NRXN1: variants seen among roughly 807,000 people sequenced by gnomAD.
NRXN1 encodes the protein neurexin-1.
In NRXN1, 39 loss-of-function variants were observed where a neutral mutation model predicts 150.9. The observed-to-expected ratio is 0.26, with a 90% CI of 0.20 to 0.34. NRXN1 has a LOEUF of 0.34. Among genes scored for constraint, NRXN1 ranks in the 10% least tolerant of loss-of-function variants. NRXN1 has a pLI of 1.00. For synonymous variants in NRXN1, 924 were observed against 757.0 expected, an observed-to-expected ratio of 1.22 and a Z score of -3.62; for missense variants, 1,815 against 1,949.9, an observed-to-expected ratio of 0.93 and a Z score of 1.30.
chr2:50,298,687 T>C (rs1225402233), intron 17 of NRXN1, among the ~76,000 whole-genome samples: 1 of 152,198 alleles, frequency 6.6e-6, no homozygotes, highest in Non-Finnish European at 1.5e-5. Context: ...GACCTGGCTT[T>C]TGAAATTTCT....
At chr2:50,403,192 A>C (rs912877420) in intron 17 of NRXN1, among the ~76,000 whole-genome samples, 2 of 152,040 alleles carry the variant, frequency 1.3e-5, no homozygotes, top group Admixed American at 1.3e-4. Flanking sequence ...ATTACACAGA[A>C]TTTACTATAT....
intron 17 of NRXN1, among the ~76,000 whole-genome samples, chr2:50,365,255 T>A (rs2079506093): frequency 6.6e-6 from 1 of 152,080 alleles, no homozygotes; most frequent in Admixed American, 6.6e-5. Context: ...TAACCACAGC[T>A]ATCAGTTGGT....
At chr2:50,240,376 T>C (rs1039415599) in intron 17 of NRXN1, among the ~76,000 whole-genome samples, 1 of 151,792 alleles carries the variant, frequency 6.6e-6, no homozygotes, top group Admixed American at 6.6e-5. Context: ...CAATTAGATA[T>C]CCAGTCCTTC....
At chr2:50,431,794 C>G (rs1029790625) in intron 17 of NRXN1, among the ~76,000 whole-genome samples, 1 of 152,100 alleles carries the variant, frequency 6.6e-6, no homozygotes, top group Non-Finnish European at 1.5e-5. Context: ...GTCCTTTACA[C>G]AAAAAGTTTG....
chr2:50,186,226 A>C (rs190421031), intron 18 of NRXN1, among the ~76,000 whole-genome samples: 1 of 152,170 alleles, frequency 6.6e-6, no homozygotes, highest in East Asian at 1.9e-4. Flanking sequence ...CTTTTCTGTA[A>C]ATGTATACTA....
chr2:49,976,701 A>G (rs554798072), intron 21 of NRXN1, among the ~76,000 whole-genome samples: 1 of 152,312 alleles, frequency 6.6e-6, no homozygotes, highest in Non-Finnish European at 1.5e-5. Flanking sequence ...AGACCTTCAC[A>G]TCTCATATCA....
intron 6 of NRXN1, 106 bp downstream of exon 6, chr2:50,623,208 G>T: frequency 2.4e-6 from 2 of 821,804 alleles, no homozygotes; most frequent in Non-Finnish European, 1.9e-6. Context: ...TAATTTGCAA[G>T]TGACTCTGAG....
intron 5 of NRXN1, among the ~76,000 whole-genome samples, chr2:50,859,990 C>G (rs898414624): frequency 6.6e-6 from 1 of 151,936 alleles, no homozygotes; most frequent in Non-Finnish European, 1.5e-5. Flanking sequence ...ATACCTATCT[C>G]TTTGTAAACT....
rs114834810 is a variant in NRXN1, at chr2:50,011,830, G to A, written c.4128+41441C>T. The stretch of plus-strand genomic sequence containing the variant: ...GAATCATAGAAAATTGGAGATAGGT[G>A]GATGTTAAGCACATTTTATTTTTTA... On this transcript the variant is annotated intron_variant, in intron 21 of 22. Coordinates refer to ENST00000401669, the MANE Select transcript of NRXN1 (RefSeq NM_001330078.2). Among the ~76,000 whole-genome samples, 1,451 of 152,112 alleles carry A rather than the reference G, an allele frequency of 9.5e-3. 24 individuals carry two copies. The highest frequency in any genetic ancestry group is 0.033 in the African/African-American group (1,370 of 41,532).
chr2:50,717,325 C>T (rs1022813984), intron 5 of NRXN1, among the ~76,000 whole-genome samples: 1 of 152,132 alleles, frequency 6.6e-6, no homozygotes, highest in South Asian at 2.1e-4. Context: ...TTATTCATCA[C>T]ACTACATGTA....
chr2:49,919,179 C>T lies in NRXN1; in HGVS notation c.*2765G>A, dbSNP rs1200008882. Reference sequence around the variant, plus strand: ...AGATGTAATCAAATTTATGCCAAGTCGTGTGAAATCCTCAATCAACTGCAA... The same window carrying T: ...AGATGTAATCAAATTTATGCCAAGTTGTGTGAAATCCTCAATCAACTGCAA... On this transcript the variant is annotated 3_prime_UTR_variant, in exon 23 of 23. Coordinates refer to ENST00000401669, the MANE Select transcript of NRXN1 (RefSeq NM_001330078.2). 3 of 152,076 alleles carry T rather than the reference C, an allele frequency of 2.0e-5. No individual in the cohort carries two copies. Among genetic ancestry groups the T allele is most frequent in the Admixed American group, 1.3e-4 (2 of 15,270 alleles). 9.4% of individuals were successfully genotyped at this position (152,076 alleles called of 1,614,324 possible).
intron 17 of NRXN1, among the ~76,000 whole-genome samples, chr2:50,447,962 T>C (rs1373331590): frequency 6.6e-6 from 1 of 151,506 alleles, no homozygotes; most frequent in Non-Finnish European, 1.5e-5. Flanking sequence ...GTAAAGTGTA[T>C]CGTAAAATAT....
intron 18 of NRXN1, among the ~76,000 whole-genome samples, chr2:50,220,488 T>C (rs540253193): frequency 2.6e-5 from 4 of 152,102 alleles, no homozygotes; most frequent in Non-Finnish European, 5.9e-5. Flanking sequence ...GAACATTCCA[T>C]GGGATTTGAA....
chr2:50,712,252 T>G (rs992423768), intron 5 of NRXN1, among the ~76,000 whole-genome samples: 2 of 151,358 alleles, frequency 1.3e-5, no homozygotes, highest in Non-Finnish European at 2.9e-5. Flanking sequence ...GAGGTGTCAG[T>G]TAGATTCTAA....
At chr2:50,031,294 G>A (rs1689140980) in intron 21 of NRXN1, among the ~76,000 whole-genome samples, 1 of 151,858 alleles carries the variant, frequency 6.6e-6, no homozygotes, top group Non-Finnish European at 1.5e-5. Context: ...ATCTTGGTGT[G>A]TTTTTTTAAA....
intron 5 of NRXN1, among the ~76,000 whole-genome samples, chr2:50,784,290 C>T (rs916721668): frequency 6.6e-6 from 1 of 151,992 alleles, no homozygotes; most frequent in Admixed American, 6.6e-5. Flanking sequence ...AGAAAAAATG[C>T]TTTTACTATG....
chr2:50,964,585 G>T (rs1693752948), intron 2 of NRXN1, among the ~76,000 whole-genome samples: 1 of 151,326 alleles, frequency 6.6e-6, no homozygotes, highest in Non-Finnish European at 1.5e-5. Flanking sequence ...AAAGGATTTT[G>T]CATTTTGTAA....
chr2:49,927,428 A>C (rs1669294291), intron 22 of NRXN1, among the ~76,000 whole-genome samples: 1 of 152,204 alleles, frequency 6.6e-6, no homozygotes, highest in South Asian at 2.1e-4. Flanking sequence ...GATTATATCT[A>C]ATCACACCTT....
At position 50,072,843 on chromosome 2, in the gene NRXN1, G is replaced by A. The variant is rs188125819; in HGVS notation, c.3719-17799C>T. Among the ~76,000 whole-genome samples, 16 of 152,244 alleles carry A rather than the reference G, an allele frequency of 1.1e-4. No individual in the cohort carries two copies. In the East Asian group the frequency reaches 2.9e-3, roughly 28 times the overall value. ...GCCCAGCAAGTGGATGACGGCATCA[G>A]CTGGTCCTAAAACAAAAAGACTTGA... On this transcript the variant is annotated intron_variant, in intron 19 of 22. Transcript: ENST00000401669.
Sources: gnomAD v4.1 joint callset for allele counts (sites outside exome capture counted in the v4.1 genomes callset) on GRCh38, gnomAD v4.1.1 for gene constraint, MANE v1.5 for transcripts, NCBI Gene and HGNC (gene_info 2026-07-23, HGNC 2026-07-21) for gene names.